Variants in NCALD observed in about 807,000 individuals in gnomAD.
NCALD encodes neurocalcin delta.
Under a neutral mutation model 18.6 loss-of-function variants are expected in NCALD, and 10 were observed. The ratio of observed to expected loss-of-function variants is 0.54; its 90% CI spans 0.33 to 0.91. The LOEUF is 0.91. Among genes scored for constraint, NCALD ranks in the 40% least tolerant of loss-of-function variants. The probability of loss-of-function intolerance (pLI) is 0.03; values close to 1 mark genes in which losing one functional copy is unlikely to be tolerated. For synonymous variants in NCALD, 88 were observed against 87.4 expected, an observed-to-expected ratio of 1.01 and a Z score of -0.04; for missense variants, 184 against 247.6, an observed-to-expected ratio of 0.74 and a Z score of 1.72.
intron 1 of NCALD, among the ~76,000 whole-genome samples, chr8:102,053,365 AT>A (rs1414732154): frequency 6.6e-6 from 1 of 152,210 alleles, no homozygotes; most frequent in Non-Finnish European, 1.5e-5. Context: ...TTTAATTGGA[AT>A]ATTTAAAAAT....
intron 2 of NCALD, among the ~76,000 whole-genome samples, chr8:102,010,378 G>A (rs930476360): frequency 7.9e-5 from 12 of 152,318 alleles, no homozygotes; most frequent in African/African-American, 2.2e-4. Context: ...CCAGGGATCA[G>A]CAATTATAAA....
intron 1 of NCALD, among the ~76,000 whole-genome samples, chr8:102,096,542 G>A (rs1825108208): frequency 6.6e-6 from 1 of 152,236 alleles, no homozygotes; most frequent in Admixed American, 6.5e-5. Flanking sequence ...ACAGCAGATG[G>A]GAAATTGAAA....
At chr8:101,893,459 C>A (rs1293012631) in intron 3 of NCALD, among the ~76,000 whole-genome samples, 3 of 144,456 alleles carry the variant, frequency 2.1e-5, no homozygotes, top group Non-Finnish European at 3.0e-5. Flanking sequence ...CATCAACTAA[C>A]GAGCAAAATA....
chr8:101,870,796 G>A (rs1352867163), intron 4 of NCALD, among the ~76,000 whole-genome samples: 4 of 151,514 alleles, frequency 2.6e-5, no homozygotes, highest in East Asian at 3.9e-4. Flanking sequence ...ACAGAGACTC[G>A]AGAATAGAGA....
intron 1 of NCALD, among the ~76,000 whole-genome samples, chr8:102,115,732 G>C (rs1825762405): frequency 6.6e-6 from 1 of 152,204 alleles, no homozygotes; most frequent in African/African-American, 2.4e-5. Context: ...TTGAGTCTCT[G>C]CTGCTTCTGC....
rs557765238 is a variant in NCALD at position 102,001,566 on chromosome 8, C to T, written c.-157+18671G>A. Among the ~76,000 whole-genome samples, 712 of 152,232 alleles carry T rather than the reference C, an allele frequency of 4.7e-3. 4 individuals carry two copies. The highest frequency in any genetic ancestry group is 0.015 in the African/African-American group (615 of 41,534). ...CCTCGAGAAGAGCAACTCCAAGACA[C>T]ATAATTGTCAGATTCACCAAAGTTG... On this transcript the variant is annotated intron_variant, in intron 2 of 6. Transcript: ENST00000311028.
intron 2 of NCALD, among the ~76,000 whole-genome samples, chr8:102,002,523 A>G (rs1194367958): frequency 6.6e-6 from 1 of 152,226 alleles, no homozygotes; most frequent in East Asian, 1.9e-4. Flanking sequence ...TGCACCAAGC[A>G]GACCTAATAG....
chr8:101,719,019 C>G (rs898597565), intron 2 of NCALD, among the ~76,000 whole-genome samples: 2 of 152,158 alleles, frequency 1.3e-5, no homozygotes, highest in Non-Finnish European at 2.9e-5. Flanking sequence ...GCACCTATGA[C>G]CCGGGAGTCC....
At chr8:102,063,925 C>A (rs1823922811) in intron 1 of NCALD, among the ~76,000 whole-genome samples, 1 of 152,242 alleles carries the variant, frequency 6.6e-6, no homozygotes, top group Admixed American at 6.5e-5. Context: ...TATTTAGAAC[C>A]CCAGAATTGC....
At chr8:101,870,907 C>G (rs1028884518) in intron 4 of NCALD, among the ~76,000 whole-genome samples, 3 of 92,526 alleles carry the variant, frequency 3.2e-5, no homozygotes, top group South Asian at 5.8e-4. Flanking sequence ...ACCCCCCCCC[C>G]CCAAAAAAAG....
chr8:101,928,348 T>C (rs1320901507), intron 2 of NCALD, among the ~76,000 whole-genome samples: 1 of 152,350 alleles, frequency 6.6e-6, no homozygotes, highest in Non-Finnish European at 1.5e-5. Flanking sequence ...AATACCATCT[T>C]GTTTGACTAA....
At chr8:102,054,568 A>C (rs1000553158) in intron 1 of NCALD, among the ~76,000 whole-genome samples, 16 of 151,964 alleles carry the variant, frequency 1.1e-4, no homozygotes, top group African/African-American at 3.6e-4. Flanking sequence ...CTTTAGCTAC[A>C]TCAGCTTTTC....
chr8:101,955,802 T>G (rs1046243192), intron 2 of NCALD, among the ~76,000 whole-genome samples: 1 of 152,138 alleles, frequency 6.6e-6, no homozygotes, highest in Admixed American at 6.5e-5. Context: ...ATTGACAAAA[T>G]TTATATATAG....
chr8:101,749,026 G>A (rs1810543746), intron 1 of NCALD, among the ~76,000 whole-genome samples: 1 of 152,202 alleles, frequency 6.6e-6, no homozygotes, highest in Middle Eastern at 3.2e-3. Flanking sequence ...TTTTCCATAT[G>A]TAATTGTGCA....
intron 4 of NCALD, among the ~76,000 whole-genome samples, chr8:101,841,368 C>T (rs753876616): frequency 3.3e-5 from 5 of 152,194 alleles, no homozygotes; most frequent in Non-Finnish European, 5.9e-5. Flanking sequence ...ACCCCTTCTT[C>T]CCTTCCTCTA....
intron 4 of NCALD, among the ~76,000 whole-genome samples, chr8:101,800,270 ATAGAAT>A (rs1812789924): frequency 6.6e-6 from 1 of 152,168 alleles, no homozygotes; most frequent in African/African-American, 2.4e-5. Flanking sequence ...AAAGAGAGGA[ATAGAAT>A]TAAAGTGTCC....
chr8:102,069,776 C>G (rs753054294), intron 1 of NCALD, among the ~76,000 whole-genome samples: 5 of 152,182 alleles, frequency 3.3e-5, no homozygotes, highest in Non-Finnish European at 5.9e-5. Flanking sequence ...ATGACAGAAG[C>G]AGATTTCCAA....
intron 2 of NCALD, among the ~76,000 whole-genome samples, chr8:101,993,760 T>A (rs116976837): frequency 0.028 from 4,258 of 152,294 alleles, 101 homozygotes; most frequent in East Asian, 0.091. Context: ...CTTGAAGCAA[T>A]GTGGCAGAAC....
intron 2 of NCALD, among the ~76,000 whole-genome samples, chr8:101,707,092 G>A (rs13272106): frequency 0.46 from 70,233 of 151,968 alleles, 18,732 homozygotes; most frequent in Non-Finnish European, 0.6. Context: ...AGGGGGTAAT[G>A]TAAGATGAAC....
Sources: allele counts gnomAD v4.1 joint callset (sites outside exome capture counted in the v4.1 genomes callset), GRCh38; gene constraint gnomAD v4.1.1; transcripts MANE v1.5; gene names NCBI Gene and HGNC (gene_info 2026-07-23, HGNC 2026-07-21).